PGAP6: variants seen among roughly 807,000 people sequenced by gnomAD.
PGAP6 encodes post-GPI attachment to proteins factor 6.
A neutral mutation model predicts 68.4 loss-of-function variants in PGAP6; 62 were observed. The ratio of observed to expected loss-of-function variants is 0.91; its 90% CI spans 0.74 to 1.12. The LOEUF (loss-of-function observed/expected upper bound fraction) is 1.12. Among genes scored for constraint, PGAP6 ranks in the 50% most tolerant of loss-of-function variants. The probability of loss-of-function intolerance (pLI) is 0.00; values close to 1 mark genes in which losing one functional copy is unlikely to be tolerated. For missense variants in PGAP6, 1,188 were observed against 1,068.5 expected (o/e 1.11, Z -1.56); for synonymous variants, 575 against 474.0 (o/e 1.21, Z -2.77).
In PGAP6 at chr16:371,807, CGAGGA is replaced by C. The variant is rs2054335420; in HGVS notation, c.*175_*179del. ...ATCTCAGCAGCGAGCAGGCAGCTGG[CGAGGA>C]GAGGTGCGTGTGAGGGAGGGGTGGC... On this transcript the variant is annotated 3_prime_UTR_variant, in exon 13 of 13. Transcript: ENST00000431232. The C allele has an allele frequency of 1.6e-6, 1 of 621,438 alleles. No individual in the cohort carries two copies. Among genetic ancestry groups the C allele is most frequent in the Admixed American group, 3.0e-5 (1 of 33,346 alleles). 38.5% of individuals were successfully genotyped at this position (621,438 alleles called of 1,614,324 possible).
At position 376,293 on chromosome 16, in the gene PGAP6, A is replaced by T; in HGVS notation, c.1067T>A (p.Val356Asp). The T allele has an allele frequency of 6.2e-7, 1 of 1,612,084 alleles. No homozygotes were observed. Among genetic ancestry groups the T allele is most frequent in the Non-Finnish European group, 8.5e-7 (1 of 1,179,846 alleles). Residue 356 changes from valine to aspartate, a missense_variant, in exon 6 of 13, where the codon GTC (valine) becomes GAC (aspartate). Physicochemically the swap from Val to Asp is radical, Grantham distance 152. Coordinates refer to ENST00000431232, the MANE Select transcript of PGAP6 (RefSeq NM_021259.3). ...RSPFCLTNYPVTREDMDVVSV... is the reference protein window; with the variant it reads ...RSPFCLTNYPDTREDMDVVSV... ...CACCACGTCCATGTCCTCCCGCGTG[A>T]CTGGGTAGTTTGTGAGGCAGAAGGG... is the stretch of plus-strand genomic sequence containing the variant.
upstream of PGAP6, chr16:383,492 C>G (rs570403604): frequency 6.1e-4 from 93 of 152,352 alleles, no homozygotes; most frequent in African/African-American, 2.1e-3. Context: ...CGCCTACATG[C>G]GTGTCACTGG....
chr16:382,908 A>G (rs1175698011), upstream of PGAP6, among the ~76,000 whole-genome samples: 2 of 146,334 alleles, frequency 1.4e-5, no homozygotes, highest in African/African-American at 5.5e-5. Flanking sequence ...AATCAATCAC[A>G]GAAACGCTCC....
intron 11 of PGAP6, among the ~76,000 whole-genome samples, chr16:373,672 T>G (rs1375254168): frequency 6.6e-6 from 1 of 152,266 alleles, no homozygotes; most frequent in Non-Finnish European, 1.5e-5. Flanking sequence ...CCCGAGTGGC[T>G]GGGACCACAG....
At chr16:380,992 C>T (rs2141767073) in intron 1 of PGAP6, among the ~76,000 whole-genome samples, 1 of 152,348 alleles carries the variant, frequency 6.6e-6, no homozygotes, top group South Asian at 2.1e-4. Flanking sequence ...CTGACGGTCT[C>T]CACACCCACG....
Position 381,797 on chromosome 16 carries a change from C to T in PGAP6, c.25G>A (p.Gly9Arg), listed in dbSNP as rs1188382092. 1.7e-6 allele frequency: 2 copies of T among 1,152,194 alleles called. No homozygotes were observed. The highest frequency in any genetic ancestry group is 2.1e-6 in the Non-Finnish European group (2 of 937,026). 71.4% of individuals were successfully genotyped at this position (1,152,194 alleles called of 1,614,324 possible). A position where few individuals can be genotyped will look rare whatever the true frequency, so the allele number is the denominator to read the frequency against. The change falls in exon 1 of 13, where the codon GGG becomes AGG. Residue 9 changes from glycine (G) to arginine (R), a missense_variant. By Grantham distance (125) the Gly-to-Arg change is moderately radical (BLOSUM62 -2). Coordinates refer to ENST00000431232, the MANE Select transcript of PGAP6 (RefSeq NM_021259.3). MGRAGTGT[G>R]GEAVAAVVAG... The stretch of plus-strand genomic sequence containing the variant: ...ACCACCGCGGCCACCGCCTCGCCCC[C>T]GGTCCCGGTGCCAGCCCGGCCCATG...
chr16:381,774 C>G lies in PGAP6; in HGVS notation c.48G>C (p.Val16=), dbSNP rs1597167180. The change falls in exon 1 of 13, where the codon GTG becomes GTC. Residue 16 remains valine (V), a synonymous_variant. Coordinates refer to ENST00000431232, the MANE Select transcript of PGAP6 (RefSeq NM_021259.3). Reference sequence around the variant, plus strand: ...GCAGCAGCAGCAGCGGCCCCGCCACCACCGCGGCCACCGCCTCGCCCCCGG... The same window carrying G: ...GCAGCAGCAGCAGCGGCCCCGCCACGACCGCGGCCACCGCCTCGCCCCCGG... ...TGTGGEAVAA[V]VAGPLLLLLL... The G allele has an allele frequency of 1.9e-5, 23 of 1,184,094 alleles. No homozygotes were observed. The East Asian group carries it at 8.6e-4, about 44-fold the overall frequency. The allele number at this position is 1,184,094 out of a possible 1,614,324, so 73.3% of individuals were successfully genotyped here. A position where few individuals can be genotyped will look rare whatever the true frequency, so the allele number is the denominator to read the frequency against.
rs2054394946 is a variant in PGAP6, at chr16:377,404, G to C, written c.481C>G (p.Pro161Ala). The C allele has an allele frequency of 8.1e-6, 13 of 1,604,310 alleles. No homozygotes were observed. Among genetic ancestry groups the C allele is most frequent in the Non-Finnish European group, 1.1e-5 (13 of 1,175,330 alleles). Residue 161 changes from proline (P) to alanine (A), a missense_variant, in exon 3 of 13, where the codon CCC becomes GCC. Physicochemically the swap from Pro to Ala is conservative, Grantham distance 27. Coordinates refer to ENST00000431232, the MANE Select transcript of PGAP6 (RefSeq NM_021259.3). ...GDWFVAAHLP[P>A]SSQKIELKGL... ...TTCAACTCGATCTTCTGGGATGAGG[G>C]GGGCAGGTGGGCGGCCACGAACCAG... is the stretch of plus-strand genomic sequence containing the variant.
chr16:376,621 C>G lies in PGAP6; in HGVS notation c.827G>C (p.Arg276Pro), dbSNP rs375392409. ...GCTCTCAGCTGTCACTTGCAGCCAC[C>G]GGTCCCAGGGCGGTGAGGGCAGCAG... Reference protein sequence around the residue: ...RLLLPSPPWDRWLQVTAESLV... With the variant: ...RLLLPSPPWDPWLQVTAESLV... Residue 276 changes from arginine (R) to proline (P), a missense_variant, in exon 5 of 13, where the codon CGG (arginine) becomes CCG (proline). Arg to Pro is a moderately radical substitution (Grantham distance 103, BLOSUM62 -2). Coordinates refer to ENST00000431232, the MANE Select transcript of PGAP6 (RefSeq NM_021259.3). 1 of 1,597,272 alleles carries G rather than the reference C, an allele frequency of 6.3e-7. No individual in the cohort carries two copies. Among genetic ancestry groups the G allele is most frequent in the African/African-American group, 1.3e-5 (1 of 74,634 alleles).
chr16:371,808 G>T lies in PGAP6; in HGVS notation c.*179C>A. The stretch of plus-strand genomic sequence containing the variant: ...TCTCAGCAGCGAGCAGGCAGCTGGC[G>T]AGGAGAGGTGCGTGTGAGGGAGGGG... On this transcript the variant is annotated 3_prime_UTR_variant, in exon 13 of 13. Transcript: ENST00000431232. 1.6e-6 allele frequency: 1 copy of T among 623,624 alleles called. No homozygotes were observed. The highest frequency in any genetic ancestry group is 2.8e-6 in the Non-Finnish European group (1 of 361,646). The allele number at this position is 623,624 out of a possible 1,614,324, so 38.6% of individuals were successfully genotyped here. A position where few individuals can be genotyped will look rare whatever the true frequency, so the allele number is the denominator to read the frequency against.
intron 11 of PGAP6, among the ~76,000 whole-genome samples, chr16:373,713 G>A (rs937278532): frequency 3.9e-5 from 6 of 152,184 alleles, no homozygotes; most frequent in Non-Finnish European, 8.8e-5. Context: ...CTAACTTTTC[G>A]ATTTTTTGTA....
At chr16:375,533 CT>C (rs373943287) in intron 6 of PGAP6, 98 bp from the exon 7 acceptor site, 79,645 of 690,978 alleles carry the variant, frequency 0.12, no homozygotes, top group East Asian at 0.15. Flanking sequence ...TGGTGCCTTT[CT>C]TTTTTTTTTT....
intron 1 of PGAP6, among the ~76,000 whole-genome samples, chr16:380,150 T>C (rs1385436192): frequency 6.6e-6 from 1 of 152,160 alleles, no homozygotes; most frequent in Non-Finnish European, 1.5e-5. Context: ...AGGGGTTCCA[T>C]CTCCCAGGAA....
rs3743887 is a variant in PGAP6, at chr16:374,277, G to T, written c.1699C>A (p.Arg567=). ...GAGGCCTCCACCAGGAAGAATCGCC[G>T]CACTGAGACGGCGATGGGGGCCAGG... ...MFLAPIAVSV[R]RFFLVEASVY... The change falls in exon 10 of 13, where the codon CGG becomes AGG. Residue 567 remains arginine, a synonymous_variant. Transcript: ENST00000431232. 1.4e-4 allele frequency: 220 copies of T among 1,607,048 alleles called. No homozygotes were observed. The highest frequency in any genetic ancestry group is 1.8e-4 in the Non-Finnish European group (218 of 1,179,552).
upstream of PGAP6, chr16:382,305 C>T (rs2054451211): frequency 2.6e-6 from 1 of 391,122 alleles, no homozygotes; most frequent in Non-Finnish European, 4.5e-6. Context: ...TCCGCTCGGC[C>T]GGGACCTCCG....
At chr16:382,124 C>A (rs1331071557), upstream of PGAP6, 16 of 352,950 alleles carry the variant, frequency 4.5e-5, no homozygotes, top group Non-Finnish European at 6.0e-5. Context: ...GCGCGGGGGA[C>A]GGACCGGGGC....
chr16:386,824 CTT>C, upstream of PGAP6: 4 of 674,530 alleles, frequency 5.9e-6, no homozygotes, highest in Non-Finnish European at 1.1e-5. Context: ...AAAGCGAAGG[CTT>C]TAAAGGCCAA....
chr16:380,748 A>G (rs2054429830), intron 1 of PGAP6, among the ~76,000 whole-genome samples: 1 of 149,622 alleles, frequency 6.7e-6, no homozygotes, highest in African/African-American at 2.4e-5. Flanking sequence ...AGCAGGAGGC[A>G]CAGCCCCCGA....
chr16:377,048 G>C lies in PGAP6; in HGVS notation c.624C>G (p.Pro208=). The C allele has an allele frequency of 1.9e-6, 3 of 1,613,040 alleles. No homozygotes were observed. Among genetic ancestry groups the C allele is most frequent in the Non-Finnish European group, 2.5e-6 (3 of 1,179,892 alleles). The change falls in exon 4 of 13, where the codon CCC becomes CCG. Residue 208 remains proline (P), a synonymous_variant. Transcript: ENST00000431232. ...AGGCCCCCGCTCACTTGAGGTAGCT[G>C]GGATGGGAGAGGAGGGTCTGAGGAA... The part of the protein sequence containing the change: ...VPLPQTLLSH[P]SYLKVFVPDY...
Sources: allele counts gnomAD v4.1 joint callset (sites outside exome capture counted in the v4.1 genomes callset), GRCh38; gene constraint gnomAD v4.1.1; transcripts MANE v1.5; gene names NCBI Gene and HGNC (gene_info 2026-07-23, HGNC 2026-07-21).